The following PDE10A variants were observed in gnomAD, a reference collection of about 807,000 sequenced individuals.
The protein encoded by PDE10A is phosphodiesterase 10A, also known as cAMP and cAMP-inhibited cGMP 3',5'-cyclic phosphodiesterase 10A.
Under a neutral mutation model 97.7 loss-of-function variants are expected in PDE10A, and 39 were observed. The observed-to-expected ratio is 0.40, with a 90% CI of 0.31 to 0.52. The LOEUF (loss-of-function observed/expected upper bound fraction) is 0.52, where lower values mean the gene tolerates loss of function less well. Among genes scored for constraint, PDE10A ranks in the 20% least tolerant of loss-of-function variants. PDE10A has a pLI of 0.56. For missense variants in PDE10A, 731 were observed against 1,047.8 expected (o/e 0.70, Z 4.17); for synonymous variants, 371 against 376.8 (o/e 0.98, Z 0.18).
intron 1 of PDE10A, among the ~76,000 whole-genome samples, chr6:165,568,237 G>A (rs1471472455): frequency 6.6e-6 from 1 of 151,966 alleles, no homozygotes; most frequent in Non-Finnish European, 1.5e-5. Flanking sequence ...CTGACCTCAT[G>A]ATCCGCCCGC....
chr6:165,718,178 C>CT (rs1173783591), intron 1 of PDE10A: 1 of 152,050 alleles, frequency 6.6e-6, no homozygotes, highest in Non-Finnish European at 1.5e-5. Flanking sequence ...AGTCTTGATG[C>CT]TTTTTTCCTA....
chr6:165,883,200 C>A (rs987851253), intron 1 of PDE10A, among the ~76,000 whole-genome samples: 2 of 152,068 alleles, frequency 1.3e-5, no homozygotes, highest in Non-Finnish European at 2.9e-5. Flanking sequence ...CGTGCCACTG[C>A]ACTCCAGATT....
At chr6:165,419,947 T>TATAGA (rs1223916575) in intron 10 of PDE10A, among the ~76,000 whole-genome samples, 1 of 152,238 alleles carries the variant, frequency 6.6e-6, no homozygotes, top group African/African-American at 2.4e-5. Context: ...TCACTACTAC[T>TATAGA]ATAGAACTAT....
intron 1 of PDE10A, among the ~76,000 whole-genome samples, chr6:165,934,064 A>G (rs1413435914): frequency 6.7e-6 from 1 of 148,944 alleles, no homozygotes; most frequent in African/African-American, 2.5e-5. Context: ...GCTCACTGCA[A>G]CCTCCGCTTC....
Position 165,881,565 on chromosome 6 carries a change from ATTTTT to A in PDE10A, c.-615+105959_-615+105963del. 2.2e-5 allele frequency among the ~76,000 whole-genome samples: 3 copies of A among 134,422 alleles called. No individual in the cohort carries two copies. The East Asian group carries it at 6.6e-4, about 30-fold the overall frequency. 88.2% of individuals were successfully genotyped at this position (134,422 alleles called of 152,430 possible). A position where few individuals can be genotyped will look rare whatever the true frequency, so the allele number is the denominator to read the frequency against. On this transcript the variant is annotated intron_variant, in intron 1 of 19. Coordinates refer to the PDE10A transcript ENST00000366882. ...AGGTGCGCACCACCATGCCCAGCTA[ATTTTT>A]TTTTTTTTTGTATTTTTAGAGGTGG...
chr6:165,568,591 C>T (rs912410070), intron 1 of PDE10A, among the ~76,000 whole-genome samples: 5 of 152,124 alleles, frequency 3.3e-5, no homozygotes, highest in Non-Finnish European at 5.9e-5. Context: ...CTTATCAGAT[C>T]AACTGTCATG....
chr6:165,784,001 C>T (rs544743614), intron 1 of PDE10A, among the ~76,000 whole-genome samples: 22 of 152,076 alleles, frequency 1.4e-4, no homozygotes, highest in Admixed American at 1.0e-3. Flanking sequence ...AGGTGGATCA[C>T]GAGATCAGGA....
intron 1 of PDE10A, among the ~76,000 whole-genome samples, chr6:165,596,274 C>T (rs1021898298): frequency 6.6e-6 from 1 of 152,248 alleles, no homozygotes; most frequent in Admixed American, 6.5e-5. Context: ...ATCCAGTCTA[C>T]TGTGTCCACC....
intron 18 of PDE10A, among the ~76,000 whole-genome samples, chr6:165,364,084 T>A (rs1783607629): frequency 6.6e-6 from 1 of 152,154 alleles, no homozygotes; most frequent in African/African-American, 2.4e-5. Context: ...GAAGGAAGGA[T>A]CAGTAACAGA....
intron 1 of PDE10A, among the ~76,000 whole-genome samples, chr6:165,736,143 A>G (rs1792569598): frequency 6.6e-6 from 1 of 152,186 alleles, no homozygotes; most frequent in Non-Finnish European, 1.5e-5. Flanking sequence ...CATAGAAGGC[A>G]CTCTCAGAAA....
chr6:165,821,840 G>T (rs1390828440), intron 1 of PDE10A, among the ~76,000 whole-genome samples: 1 of 152,172 alleles, frequency 6.6e-6, no homozygotes, highest in Admixed American at 6.5e-5. Context: ...ACCATGCTCG[G>T]CATTGTCTAT....
chr6:165,903,623 C>G lies in PDE10A; in HGVS notation c.-615+83906G>C, dbSNP rs144662050. ...TCCAGTAAACTGTTGTATAACAGGC[C>G]GCTACTCATCGGAAGTTGGAAGGAT... On this transcript the variant is annotated intron_variant, in intron 1 of 19. Coordinates refer to the PDE10A transcript ENST00000366882. 1.4e-4 allele frequency among the ~76,000 whole-genome samples: 21 copies of G among 152,166 alleles called. No homozygotes were observed. In the East Asian group the frequency reaches 3.9e-3, roughly 28 times the overall value.
chr6:165,570,280 A>C (rs1192648133), intron 1 of PDE10A, among the ~76,000 whole-genome samples: 1 of 152,194 alleles, frequency 6.6e-6, no homozygotes, highest in Non-Finnish European at 1.5e-5. Flanking sequence ...CAAAAATAAT[A>C]AGCATACAAA....
intron 1 of PDE10A, among the ~76,000 whole-genome samples, chr6:165,906,799 A>C (rs1782298727): frequency 6.6e-6 from 1 of 152,234 alleles, no homozygotes; most frequent in African/African-American, 2.4e-5. Context: ...TCTAAGAGGC[A>C]CTGAAGAAGC....
intron 1 of PDE10A, among the ~76,000 whole-genome samples, chr6:165,638,370 G>A (rs1452741988): frequency 1.3e-5 from 2 of 152,040 alleles, no homozygotes; most frequent in Non-Finnish European, 2.9e-5. Flanking sequence ...GAGGAAGGAC[G>A]AGAAGGAAGG....
At chr6:165,397,690 G>GTAT in intron 13 of PDE10A, among the ~76,000 whole-genome samples, 1 of 103,170 alleles carries the variant, frequency 9.7e-6, no homozygotes, top group African/African-American at 4.2e-5. Context: ...CGACAACGGT[G>GTAT]AAACTCCATC....
chr6:165,535,300 G>C (rs1206640598), intron 2 of PDE10A, among the ~76,000 whole-genome samples: 1 of 151,568 alleles, frequency 6.6e-6, no homozygotes, highest in Non-Finnish European at 1.5e-5. Context: ...GTGAGGTCTG[G>C]GATTTTAGTG....
At chr6:165,791,179 T>C (rs952940925) in intron 1 of PDE10A, among the ~76,000 whole-genome samples, 4 of 151,746 alleles carry the variant, frequency 2.6e-5, no homozygotes, top group African/African-American at 9.7e-5. Context: ...AAACTCCTCT[T>C]CTCAAGCTAT....
intron 2 of PDE10A, among the ~76,000 whole-genome samples, chr6:165,529,637 T>C (rs1389726207): frequency 6.6e-6 from 1 of 152,226 alleles, no homozygotes; most frequent in African/African-American, 2.4e-5. Context: ...TATACACTTG[T>C]ACTAATATCT....
Sources: allele counts gnomAD v4.1 joint callset (sites outside exome capture counted in the v4.1 genomes callset), GRCh38; gene constraint gnomAD v4.1.1; transcripts MANE v1.5; gene names NCBI Gene and HGNC (gene_info 2026-07-23, HGNC 2026-07-21).